Variants in MAP2K2 observed in about 807,000 individuals in gnomAD.
MAP2K2 encodes the protein mitogen-activated protein kinase kinase 2, also known as dual specificity mitogen-activated protein kinase kinase 2.
MAP2K2 carries 24 observed loss-of-function variants against 43.7 expected under a neutral mutation model. The observed-to-expected ratio is 0.55, with a 90% CI of 0.40 to 0.77. The LOEUF (loss-of-function observed/expected upper bound fraction) is 0.77. Ranked by LOEUF, MAP2K2 falls within the 30% of genes least tolerant of loss-of-function variation. MAP2K2 has a pLI of 0.00. For synonymous variants in MAP2K2, 244 were observed against 239.7 expected, an observed-to-expected ratio of 1.02 and a Z score of -0.17; for missense variants, 470 against 566.8, an observed-to-expected ratio of 0.83 and a Z score of 1.73.
chr19:4,092,606 T>G lies in MAP2K2; in HGVS notation c.1092+1847A>C, dbSNP rs2040865015. On this transcript the variant is annotated intron_variant, in intron 10 of 10. Transcript: ENST00000262948. ...TCCGTCTGAGGGAAAAAAAAAGTTA[T>G]TTCAACATTAGTACCCCTCTCTTTT... Among the ~76,000 whole-genome samples the G allele has an allele frequency of 2.0e-5, 3 of 151,904 alleles. No individual in the cohort carries two copies. In the South Asian group the frequency reaches 6.2e-4, roughly 32 times the overall value.
At chr19:4,102,505 C>T (rs747462366) in intron 3 of MAP2K2, 52 bp from the exon 4 acceptor site, 5 of 1,366,168 alleles carry the variant, frequency 3.7e-6, no homozygotes, top group Non-Finnish European at 4.1e-6. Context: ...GGCCGGGAAG[C>T]CACGGATGCG....
At chr19:4,111,223 C>T (rs2041150126) in intron 2 of MAP2K2, among the ~76,000 whole-genome samples, 1 of 152,104 alleles carries the variant, frequency 6.6e-6, no homozygotes, top group East Asian at 1.9e-4. Context: ...AGGACGATGC[C>T]GTGAATATCC....
rs867782882 is a variant in MAP2K2, at chr19:4,093,993, G to A, written c.1092+460C>T. ...AGTTTTGGTGAACAGCTGGGCTTCCGAGGATATCAGAGGATGGGGGTTTAA... is the reference window on the plus strand; with the variant it reads ...AGTTTTGGTGAACAGCTGGGCTTCCAAGGATATCAGAGGATGGGGGTTTAA... On this transcript the variant is annotated intron_variant, in intron 10 of 10. Transcript: ENST00000262948. Among the ~76,000 whole-genome samples, 8 of 152,254 alleles carry A rather than the reference G, an allele frequency of 5.3e-5. No individual in the cohort carries two copies. The South Asian group carries it at 8.3e-4, about 16-fold the overall frequency.
At chr19:4,116,476 G>T (rs576464227) in intron 2 of MAP2K2, among the ~76,000 whole-genome samples, 369 of 152,030 alleles carry the variant, frequency 2.4e-3, no homozygotes, top group African/African-American at 8.4e-3. Context: ...GTTGCAGTGA[G>T]CCAAGATCGC....
chr19:4,091,164 G>A (rs1026163518), intron 10 of MAP2K2, among the ~76,000 whole-genome samples: 3 of 152,152 alleles, frequency 2.0e-5, no homozygotes, highest in Admixed American at 6.5e-5. Context: ...CCATTGCCAG[G>A]GTCCCCCGGA....
At position 4,099,222 on chromosome 19, in the gene MAP2K2, G is replaced by T. The variant is rs1438946064; in HGVS notation, c.898C>A (p.Pro300Thr). Residue 300 changes from proline (P) to threonine (T), a missense_variant, in exon 7 of 11, where the codon CCC becomes ACC. Pro to Thr is a conservative substitution (Grantham distance 38). Transcript: ENST00000262948. ...GTACCGCTGACGGGGCGCCCGGGGGGCCTCGGCCGAGGCGAGATGCTGTGA... is the reference window on the plus strand; with the variant it reads ...GTACCGCTGACGGGGCGCCCGGGGGTCCTCGGCCGAGGCGAGATGCTGTGA... The part of the protein sequence containing the change: ...EPHSISPRPR[P>T]PGRPVSGHGM... The T allele has an allele frequency of 6.2e-7, 1 of 1,603,526 alleles. No homozygotes were observed. Among genetic ancestry groups the T allele is most frequent in the Non-Finnish European group, 8.5e-7 (1 of 1,175,798 alleles).
chr19:4,107,473 A>C (rs1022001583), intron 3 of MAP2K2, among the ~76,000 whole-genome samples: 3 of 148,148 alleles, frequency 2.0e-5, no homozygotes, highest in African/African-American at 7.5e-5. Context: ...GCAGTGAGCC[A>C]AGATTGTGCC....
At chr19:4,100,799 G>A (rs1033298038) in intron 6 of MAP2K2, 7 of 610,692 alleles carry the variant, frequency 1.1e-5, no homozygotes, top group Admixed American at 8.1e-5. Context: ...GGACTGTCCC[G>A]GGGGTGCTAA....
At chr19:4,111,545 C>T (rs915165164) in intron 2 of MAP2K2, among the ~76,000 whole-genome samples, 4 of 152,156 alleles carry the variant, frequency 2.6e-5, no homozygotes, top group African/African-American at 4.8e-5. Flanking sequence ...GAGCCGCGGG[C>T]GCCCCTGAGA....
At chr19:4,113,442 G>A (rs1041183909) in intron 2 of MAP2K2, among the ~76,000 whole-genome samples, 4 of 152,108 alleles carry the variant, frequency 2.6e-5, no homozygotes, top group East Asian at 1.9e-4. Context: ...GGGAGGGGGC[G>A]TTCCTGAGCA....
At chr19:4,106,554 G>A (rs1309144811) in intron 3 of MAP2K2, among the ~76,000 whole-genome samples, 2 of 152,188 alleles carry the variant, frequency 1.3e-5, no homozygotes, top group East Asian at 1.9e-4. Context: ...GACTACAGGC[G>A]TGCGCCACCA....
At chr19:4,123,611 T>TGCACCCCTC (rs2041331265) in intron 1 of MAP2K2, among the ~76,000 whole-genome samples, 173 bp downstream of exon 1, 3 of 27,262 alleles carry the variant, frequency 1.1e-4, no homozygotes. Context: ...GAGGGTCCCC[T>TGCACCCCTC]GCCCTGTCCT....
At position 4,090,457 on chromosome 19, in the gene MAP2K2, C is replaced by T. The variant is rs2040843925; in HGVS notation, c.*141G>A. The T allele has an allele frequency of 1.3e-5, 10 of 754,970 alleles. No individual in the cohort carries two copies. The highest frequency in any genetic ancestry group is 2.3e-5 in the Non-Finnish European group (10 of 438,186). The allele number at this position is 754,970 out of a possible 1,614,324, so 46.8% of individuals were successfully genotyped here. A position where few individuals can be genotyped will look rare whatever the true frequency, so the allele number is the denominator to read the frequency against. ...GAGGAGACCCCCGTTCCTGCATGCG[C>T]TGTCGCCCCGCCACGGTGCTCTCCG... On this transcript the variant is annotated 3_prime_UTR_variant, in exon 11 of 11. Transcript: ENST00000262948.
At chr19:4,110,370 C>T (rs751753021) in intron 3 of MAP2K2, 139 bp downstream of exon 3, 159 of 1,017,352 alleles carry the variant, frequency 1.6e-4, no homozygotes, top group Non-Finnish European at 2.0e-4. Flanking sequence ...TGTATGGCAT[C>T]GACTGCCTTG....
At chr19:4,108,991 G>A (rs1358566118) in intron 3 of MAP2K2, among the ~76,000 whole-genome samples, 6 of 152,210 alleles carry the variant, frequency 3.9e-5, no homozygotes, top group East Asian at 1.9e-4. Flanking sequence ...CCTCGCAGGC[G>A]GGAAAGGGGC....
intron 1 of MAP2K2, among the ~76,000 whole-genome samples, chr19:4,119,330 T>C (rs2041265173): frequency 6.6e-6 from 1 of 152,152 alleles, no homozygotes; most frequent in African/African-American, 2.4e-5. Flanking sequence ...CAAGCAATTC[T>C]CCTGCCTCAG....
chr19:4,114,922 T>A (rs1834007901), intron 2 of MAP2K2, among the ~76,000 whole-genome samples: 1 of 152,068 alleles, frequency 6.6e-6, no homozygotes, highest in Non-Finnish European at 1.5e-5. Flanking sequence ...AGAGCGAGAC[T>A]CTGTCTCAAA....
chr19:4,114,534 A>G (rs2041196940), intron 2 of MAP2K2, among the ~76,000 whole-genome samples: 1 of 152,224 alleles, frequency 6.6e-6, no homozygotes, highest in South Asian at 2.1e-4. Context: ...CACGCGTAAC[A>G]AGCAGCAAGT....
intron 8 of MAP2K2, among the ~76,000 whole-genome samples, chr19:4,096,192 A>G (rs999148707): frequency 2.0e-5 from 3 of 152,124 alleles, no homozygotes; most frequent in African/African-American, 7.2e-5. Context: ...TTTCCCGCGC[A>G]GGGGCAGGGG....
Sources: allele counts gnomAD v4.1 joint callset (sites outside exome capture counted in the v4.1 genomes callset), GRCh38; gene constraint gnomAD v4.1.1; transcripts MANE v1.5; gene names NCBI Gene and HGNC (gene_info 2026-07-23, HGNC 2026-07-21).